The following CTIF variants were observed in gnomAD, a reference collection of about 807,000 sequenced individuals.
The protein encoded by CTIF is CBP80/20-dependent translation initiation factor.
A neutral mutation model predicts 66.0 loss-of-function variants in CTIF; 21 were observed. The ratio of observed to expected loss-of-function variants is 0.32; its 90% CI spans 0.23 to 0.46. The LOEUF is 0.46. Among genes scored for constraint, CTIF ranks in the 20% least tolerant of loss-of-function variants. The probability of loss-of-function intolerance (pLI) is 1.00; values close to 1 mark genes in which losing one functional copy is unlikely to be tolerated. For missense variants in CTIF, 739 were observed against 812.7 expected (o/e 0.91, Z 1.10); for synonymous variants, 345 against 326.4 (o/e 1.06, Z -0.62).
At chr18:48,606,923 G>A (rs897282138) in intron 1 of CTIF, among the ~76,000 whole-genome samples, 1 of 152,104 alleles carries the variant, frequency 6.6e-6, no homozygotes, top group Admixed American at 6.6e-5. Context: ...TTTAGCACAG[G>A]GGCCGGCACA....
intron 7 of CTIF, among the ~76,000 whole-genome samples, chr18:48,721,755 C>A (rs2092338646): frequency 6.6e-6 from 1 of 151,898 alleles, no homozygotes. Flanking sequence ...GTGCATCCCC[C>A]CCTCTCTGTC....
chr18:48,838,900 TC>T (rs2068873074), intron 10 of CTIF, among the ~76,000 whole-genome samples: 1 of 151,774 alleles, frequency 6.6e-6, no homozygotes, highest in African/African-American at 2.4e-5. Context: ...CCCTGACACC[TC>T]CCCGGGCCTG....
chr18:48,818,767 A>G (rs2068422759), intron 10 of CTIF, among the ~76,000 whole-genome samples: 1 of 152,110 alleles, frequency 6.6e-6, no homozygotes, highest in Non-Finnish European at 1.5e-5. Context: ...AGGGGCTACC[A>G]GGACACAAGG....
chr18:48,822,838 C>T (rs2146373970), intron 10 of CTIF, among the ~76,000 whole-genome samples: 2 of 152,106 alleles, frequency 1.3e-5, no homozygotes, highest in South Asian at 4.2e-4. Flanking sequence ...GTTTTTTTTG[C>T]TCACAGCCAT....
intron 9 of CTIF, among the ~76,000 whole-genome samples, chr18:48,764,406 G>A (rs1568199374): frequency 6.6e-6 from 1 of 152,152 alleles, no homozygotes; most frequent in East Asian, 1.9e-4. Context: ...TGCCGTTACT[G>A]CCCCCCATCT....
At chr18:48,787,309 GGGAA>G (rs1010330411) in intron 9 of CTIF, among the ~76,000 whole-genome samples, 2 of 152,086 alleles carry the variant, frequency 1.3e-5, no homozygotes, top group Non-Finnish European at 2.9e-5. Flanking sequence ...GGCGGGGAAA[GGGAA>G]GGAAGAAAGA....
intron 1 of CTIF, among the ~76,000 whole-genome samples, chr18:48,577,343 G>C (rs897151282): frequency 1.3e-5 from 2 of 152,158 alleles, no homozygotes; most frequent in Non-Finnish European, 2.9e-5. Context: ...GTAGGATCCT[G>C]CTGCTGAGAT....
chr18:48,771,263 G>T (rs1910085714), intron 9 of CTIF, among the ~76,000 whole-genome samples: 1 of 152,212 alleles, frequency 6.6e-6, no homozygotes, highest in African/African-American at 2.4e-5. Context: ...ATCTGTGGAT[G>T]TCTTGGGGCA....
At chr18:48,782,404 A>C (rs1911317297) in intron 9 of CTIF, among the ~76,000 whole-genome samples, 1 of 152,158 alleles carries the variant, frequency 6.6e-6, no homozygotes, top group South Asian at 2.1e-4. Context: ...CTGCCACCCA[A>C]GGAAGCCAGG....
intron 2 of CTIF, chr18:48,621,459 C>T: frequency 3.3e-6 from 1 of 299,334 alleles, no homozygotes; most frequent in Non-Finnish European, 6.4e-6. Context: ...ATGATGAGGA[C>T]TGTGTCGTCA....
At position 48,761,740 on chromosome 18, in the gene CTIF, C is replaced by T. The variant is rs185182795; in HGVS notation, c.1371+51C>T. ...CCCGCGCCCCCTGCCCCTCTGCGTT[C>T]GGTGAGTTATTCCTAGCGAGAAGGC... On this transcript the variant is annotated intron_variant, in intron 9 of 11. Transcript: ENST00000256413. The surrounding 1 kb of genome is among the most constrained non-coding windows in gnomAD (Gnocchi z 4.2). 6.5e-6 allele frequency: 10 copies of T among 1,542,466 alleles called. No individual in the cohort carries two copies. Among genetic ancestry groups the T allele is most frequent in the East Asian group, 2.3e-5 (1 of 44,236 alleles).
At chr18:48,814,739 C>T (rs1013901815) in intron 9 of CTIF, among the ~76,000 whole-genome samples, 30 of 152,166 alleles carry the variant, frequency 2.0e-4, no homozygotes, top group African/African-American at 7.0e-4. Context: ...AGCTAGGACC[C>T]CCTGTGAACA....
In CTIF at chr18:48,758,090, T is replaced by G. The variant is rs957980839; in HGVS notation, c.756T>G (p.His252Gln). The G allele has an allele frequency of 2.5e-6, 4 of 1,613,600 alleles. No homozygotes were observed. The highest frequency in any genetic ancestry group is 3.3e-5 in the Admixed American group (2 of 59,982). ...HGYSQNRRWH[H>Q]GNMKHPPGDK... ...ACAGCCAGAACCGGCGCTGGCACCA[T>G]GGCAACATGAAGCACCCACCAGGCG... The change falls in exon 8 of 12, where the codon CAT (histidine) becomes CAG (glutamine). Residue 252 changes from histidine (H) to glutamine (Q), a missense_variant. Physicochemically the swap from His to Gln is conservative, Grantham distance 24. This residue lies in a region of CTIF where 529 missense variants were observed against 520.3 expected (regional missense o/e 1.02). Coordinates refer to ENST00000256413, the MANE Select transcript of CTIF (RefSeq NM_014772.3).
At chr18:48,658,168 GTGTA>G (rs1280006601) in intron 3 of CTIF, among the ~76,000 whole-genome samples, 4 of 151,988 alleles carry the variant, frequency 2.6e-5, no homozygotes, top group East Asian at 3.9e-4. Flanking sequence ...TGTGATGTGT[GTGTA>G]TGTGTGAGGT....
Position 48,771,992 on chromosome 18 carries a change from C to T in CTIF, c.1371+10303C>T, listed in dbSNP as rs185542445. Among the ~76,000 whole-genome samples, 785 of 152,346 alleles carry T rather than the reference C, an allele frequency of 5.2e-3. 5 individuals are homozygous for T. The highest frequency in any genetic ancestry group is 0.024 in the Middle Eastern group (7 of 294). ...CCCTGCGGGTTATGTAACTGCTCAC[C>T]GCCCTGTCCCTGGCTCCCCAGGGAG... is the stretch of plus-strand genomic sequence containing the variant. On this transcript the variant is annotated intron_variant, in intron 9 of 11. Coordinates refer to ENST00000256413, the MANE Select transcript of CTIF (RefSeq NM_014772.3).
At chr18:48,610,561 G>GT (rs1288692411) in intron 1 of CTIF, among the ~76,000 whole-genome samples, 8 of 152,196 alleles carry the variant, frequency 5.3e-5, no homozygotes, top group Non-Finnish European at 8.8e-5. Context: ...ACTGAGGCCT[G>GT]TACCTTCCAC....
intron 7 of CTIF, among the ~76,000 whole-genome samples, chr18:48,752,035 G>T (rs1302032493): frequency 6.6e-6 from 1 of 152,152 alleles, no homozygotes; most frequent in African/African-American, 2.4e-5. Context: ...GTACCAATCA[G>T]ACCTTTCATC....
chr18:48,665,175 A>G (rs1297608752), intron 5 of CTIF, among the ~76,000 whole-genome samples: 2 of 151,334 alleles, frequency 1.3e-5, no homozygotes, highest in Non-Finnish European at 1.5e-5. Flanking sequence ...CGGCCTCCCA[A>G]AGTGCTGGGA....
chr18:48,755,463 G>A (rs1176434704), intron 7 of CTIF, among the ~76,000 whole-genome samples: 1 of 152,224 alleles, frequency 6.6e-6, no homozygotes, highest in East Asian at 1.9e-4. Context: ...AGGCCAGTTG[G>A]TGGTAGAATC....
Sources: gnomAD v4.1 joint callset for allele counts (sites outside exome capture counted in the v4.1 genomes callset) on GRCh38, gnomAD v4.1.1 for gene constraint, gnomAD v4.1.1 regional missense constraint, Gnocchi (gnomAD v3.1) non-coding constraint, MANE v1.5 for transcripts, NCBI Gene and HGNC (gene_info 2026-07-23, HGNC 2026-07-21) for gene names.